The following MAGI2 variants were observed in gnomAD, a reference collection of about 807,000 sequenced individuals.
MAGI2 encodes membrane associated guanylate kinase, WW and PDZ domain containing 2.
Under a neutral mutation model 133.3 loss-of-function variants are expected in MAGI2, and 35 were observed. That is an observed-to-expected ratio of 0.26 (90% confidence interval 0.20 to 0.35). The LOEUF is 0.35. MAGI2 is among the 10% of genes least tolerant of loss of function. The pLI is 1.00. For missense variants in MAGI2, 1,636 were observed against 1,863.4 expected, an observed-to-expected ratio of 0.88 and a Z score of 2.25; for synonymous variants, 729 against 710.6, an observed-to-expected ratio of 1.03 and a Z score of -0.41.
At chr7:79,326,855 G>A (rs761546853) in intron 1 of MAGI2, among the ~76,000 whole-genome samples, 4 of 151,970 alleles carry the variant, frequency 2.6e-5, no homozygotes, top group Admixed American at 6.6e-5. Flanking sequence ...TCCTCTTTTC[G>A]GCATGATGAC....
chr7:78,356,745 C>A (rs1027348509), intron 7 of MAGI2, among the ~76,000 whole-genome samples: 4 of 152,124 alleles, frequency 2.6e-5, no homozygotes, highest in Non-Finnish European at 4.4e-5. Context: ...CACTTCTCAC[C>A]CCACCTGTGC....
chr7:78,461,789 T>C (rs1790049177), intron 6 of MAGI2, among the ~76,000 whole-genome samples: 1 of 151,582 alleles, frequency 6.6e-6, no homozygotes, highest in Non-Finnish European at 1.5e-5. Context: ...TGCATGCCTG[T>C]AATCCCAGCT....
At chr7:78,187,791 G>A (rs992246619) in intron 12 of MAGI2, among the ~76,000 whole-genome samples, 2 of 152,098 alleles carry the variant, frequency 1.3e-5, no homozygotes, top group Non-Finnish European at 2.9e-5. Flanking sequence ...CTTCCATTAG[G>A]TATAAAACTG....
intron 1 of MAGI2, among the ~76,000 whole-genome samples, chr7:79,143,285 T>C (rs1822301421): frequency 6.6e-6 from 1 of 152,184 alleles, no homozygotes; most frequent in Non-Finnish European, 1.5e-5. Context: ...AGGTGAATAA[T>C]TATTTGTGCT....
rs1028390114 is a variant in MAGI2, at chr7:78,258,854, C to T, written c.1409-2273G>A. Among the ~76,000 whole-genome samples the T allele has an allele frequency of 1.6e-4, 25 of 152,116 alleles. No individual in the cohort carries two copies. The South Asian group carries it at 1.9e-3, about 11-fold the overall frequency. ...CATCCATTCTTTTGTTAATGGACACCGGAGTTATGACAAATCTGTGGCTAT... is the reference window on the plus strand; with the variant it reads ...CATCCATTCTTTTGTTAATGGACACTGGAGTTATGACAAATCTGTGGCTAT... On this transcript the variant is annotated intron_variant, in intron 9 of 21. Transcript: ENST00000354212.
rs751286601 is a variant in MAGI2, at chr7:79,184,862, TAATA to T, written c.302-177660_302-177657del. Among the ~76,000 whole-genome samples, 15 of 151,850 alleles carry T rather than the reference TAATA, an allele frequency of 9.9e-5. No individual in the cohort carries two copies. In the East Asian group the frequency reaches 2.9e-3, roughly 29 times the overall value. On this transcript the variant is annotated intron_variant, in intron 1 of 21. Coordinates refer to ENST00000354212, the MANE Select transcript of MAGI2 (RefSeq NM_012301.4). ...ATAAAAAATAAAGCTTGATGTGACA[TAATA>T]AATAAAGGTGCAATTCATAACCTCC...
At chr7:78,024,049 G>T (rs547508793) in intron 21 of MAGI2, among the ~76,000 whole-genome samples, 1 of 152,248 alleles carries the variant, frequency 6.6e-6, no homozygotes, top group African/African-American at 2.4e-5. Context: ...ATTTGTGGGG[G>T]TCCAGGAACC....
chr7:79,234,226 C>T (rs1324882082), intron 1 of MAGI2, among the ~76,000 whole-genome samples: 200 of 139,850 alleles, frequency 1.4e-3, no homozygotes, highest in African/African-American at 4.9e-3. Context: ...CTGCCCTTAA[C>T]ATTTTTTCCT....
rs1311063597 is a variant in MAGI2, at chr7:78,125,747, A to G, written c.3514T>C (p.Tyr1172His). 1 of 1,614,118 alleles carries G rather than the reference A, an allele frequency of 6.2e-7. No homozygotes were observed. Among genetic ancestry groups the G allele is most frequent in the Non-Finnish European group, 8.5e-7 (1 of 1,179,990 alleles). Residue 1172 changes from tyrosine to histidine, a missense_variant, in exon 20 of 22, where the codon TAT becomes CAT. Tyr to His is a moderately conservative substitution (Grantham distance 83). Around this residue, in one of 5 missense-constraint regions of MAGI2, gnomAD observed 49 missense variants for 103.8 expected, o/e 0.47. Transcript: ENST00000354212. Reference sequence around the variant, plus strand: ...CCATCTTCTGCCAGTCTCAACACATACAAATCCATTTTGTATTCCCTTCCT... The same window carrying G: ...CCATCTTCTGCCAGTCTCAACACATGCAAATCCATTTTGTATTCCCTTCCT... ...RGGREYKMDL[Y>H]VLRLAEDGPA...
chr7:79,361,226 T>TA (rs1335271196), intron 1 of MAGI2, among the ~76,000 whole-genome samples: 1 of 152,130 alleles, frequency 6.6e-6, no homozygotes, highest in African/African-American at 2.4e-5. Flanking sequence ...TAGAAACTGA[T>TA]ACAGCTGAAA....
chr7:79,149,521 C>T (rs889967119), intron 1 of MAGI2, among the ~76,000 whole-genome samples: 12 of 152,164 alleles, frequency 7.9e-5, no homozygotes, highest in East Asian at 5.8e-4. Context: ...AAGGTTTCAC[C>T]GGAGGAGGAA....
intron 2 of MAGI2, among the ~76,000 whole-genome samples, chr7:78,639,794 G>A (rs1041009287): frequency 6.6e-6 from 1 of 151,980 alleles, no homozygotes; most frequent in Non-Finnish European, 1.5e-5. Context: ...TGTGACTGTG[G>A]GCCAGACACT....
Position 78,521,433 on chromosome 7 carries a change from G to A in MAGI2, c.751C>T (p.Pro251Ser), listed in dbSNP as rs753308634. The A allele has an allele frequency of 1.9e-6, 3 of 1,612,440 alleles. No individual in the cohort carries two copies. In the African/African-American group the frequency reaches 4.0e-5, roughly 22 times the overall value. ...ATAAAAAATGTAAATGACTAACCTGGTGTTACTACTACTCCATTTCCATTG... is the reference window on the plus strand; with the variant it reads ...ATAAAAAATGTAAATGACTAACCTGATGTTACTACTACTCCATTTCCATTG... The part of the protein sequence containing the change: ...VVNGNGVVVT[P>S]ESSEHEDKSA... Residue 251 changes from proline to serine, a missense_variant, in exon 4 of 22, where the codon CCA becomes TCA. Transcript: ENST00000354212.
chr7:78,037,195 T>G (rs537426686), intron 21 of MAGI2, among the ~76,000 whole-genome samples: 1 of 152,058 alleles, frequency 6.6e-6, no homozygotes, highest in Non-Finnish European at 1.5e-5. Flanking sequence ...CCTAGCGCAA[T>G]TGGGGTCACA....
At chr7:78,240,362 C>T (rs1791010939) in intron 10 of MAGI2, among the ~76,000 whole-genome samples, 1 of 152,072 alleles carries the variant, frequency 6.6e-6, no homozygotes, top group African/African-American at 2.4e-5. Context: ...GTGGTGCACT[C>T]CCATGTTTAT....
rs554497624 is a variant in MAGI2 at position 79,240,903 on chromosome 7, C to T, written c.301+212117G>A. On this transcript the variant is annotated intron_variant, in intron 1 of 21. Coordinates refer to ENST00000354212, the MANE Select transcript of MAGI2 (RefSeq NM_012301.4). ...CTAGATTAGTCTAGTGAGGAGGTAACGGCTGGGCACATCTTATCCCATTTG... is the reference window on the plus strand; with the variant it reads ...CTAGATTAGTCTAGTGAGGAGGTAATGGCTGGGCACATCTTATCCCATTTG... 2.0e-3 allele frequency among the ~76,000 whole-genome samples: 302 copies of T among 152,188 alleles called. 3 individuals are homozygous for T. Among genetic ancestry groups the T allele is most frequent in the African/African-American group, 7.0e-3 (290 of 41,518 alleles).
intron 1 of MAGI2, among the ~76,000 whole-genome samples, chr7:79,040,716 T>C (rs967775755): frequency 6.6e-6 from 1 of 152,110 alleles, no homozygotes; most frequent in African/African-American, 2.4e-5. Context: ...TTCTCACAAG[T>C]GTCCAGCATT....
chr7:78,565,580 T>TA (rs139511437), intron 3 of MAGI2, among the ~76,000 whole-genome samples: 3,759 of 152,188 alleles, frequency 0.025, 106 homozygotes, highest in African/African-American at 0.064. Context: ...CAAATACTTT[T>TA]AAAAAAATCA....
chr7:78,499,714 A>C (rs1439466749), intron 5 of MAGI2, among the ~76,000 whole-genome samples: 1 of 152,226 alleles, frequency 6.6e-6, no homozygotes, highest in Non-Finnish European at 1.5e-5. Context: ...TCAACTTGTC[A>C]TGCTGCTTTC....
Sources: gnomAD v4.1 joint callset for allele counts (sites outside exome capture counted in the v4.1 genomes callset) on GRCh38, gnomAD v4.1.1 for gene constraint, gnomAD v4.1.1 regional missense constraint, MANE v1.5 for transcripts, NCBI Gene and HGNC (gene_info 2026-07-23, HGNC 2026-07-21) for gene names.